Variants in TMEM120B observed in about 807,000 individuals in gnomAD.
The protein encoded by TMEM120B is transmembrane protein 120B.
A neutral mutation model predicts 55.5 loss-of-function variants in TMEM120B; 31 were observed. That is an observed-to-expected ratio of 0.56 (90% CI 0.42 to 0.75). The LOEUF (loss-of-function observed/expected upper bound fraction) is 0.75. Among genes scored for constraint, TMEM120B ranks in the 30% least tolerant of loss-of-function variants. The pLI, the probability that TMEM120B is intolerant of heterozygous loss-of-function variation, is 0.00. For synonymous variants in TMEM120B, 203 were observed against 176.3 expected, an observed-to-expected ratio of 1.15 and a Z score of -1.20; for missense variants, 399 against 425.5, an observed-to-expected ratio of 0.94 and a Z score of 0.55.
At chr12:121,772,435 T>C (rs892385256) in intron 8 of TMEM120B, among the ~76,000 whole-genome samples, 1 of 140,918 alleles carries the variant, frequency 7.1e-6, no homozygotes, top group Non-Finnish European at 1.5e-5. Context: ...GTACCGTTTC[T>C]TTCTTTTTTT....
chr12:121,743,346 C>T (rs1175993236), intron 1 of TMEM120B, among the ~76,000 whole-genome samples: 3 of 151,198 alleles, frequency 2.0e-5, no homozygotes, highest in South Asian at 2.1e-4. Context: ...GCCAGGAGTT[C>T]GAGACCAGCC....
rs538169813 is a variant in TMEM120B, at chr12:121,761,537, C to T, written c.462-112C>T. On this transcript the variant is annotated intron_variant, in intron 5 of 11. Coordinates refer to ENST00000449592, the MANE Select transcript of TMEM120B (RefSeq NM_001080825.2). ...GTGTCATAAGGGCTTCCAGAGGCAGCGCGTGCTGTGGGCAGCCCTCAGCCT... is the reference window on the plus strand; with the variant it reads ...GTGTCATAAGGGCTTCCAGAGGCAGTGCGTGCTGTGGGCAGCCCTCAGCCT... The T allele has an allele frequency of 2.0e-4, 146 of 725,168 alleles. 5 individuals are homozygous for T. The South Asian group carries it at 2.1e-3, about 10-fold the overall frequency. 44.9% of individuals were successfully genotyped at this position (725,168 alleles called of 1,614,324 possible).
intron 1 of TMEM120B, among the ~76,000 whole-genome samples, chr12:121,719,775 A>G (rs1592922219): frequency 6.6e-6 from 1 of 151,086 alleles, no homozygotes; most frequent in Admixed American, 6.6e-5. Context: ...GCTCACTGCA[A>G]CCTCTGCCTC....
chr12:121,717,149 C>T (rs1894717383), intron 1 of TMEM120B, among the ~76,000 whole-genome samples: 1 of 152,172 alleles, frequency 6.6e-6, no homozygotes, highest in Non-Finnish European at 1.5e-5. Flanking sequence ...TGCTCCTGGT[C>T]TCCTGGCCTG....
Position 121,779,187 on chromosome 12 carries a change from A to G in TMEM120B, c.*3465A>G, listed in dbSNP as rs1324323601. 1 of 378,806 alleles carries G rather than the reference A, an allele frequency of 2.6e-6. No individual in the cohort carries two copies. The highest frequency in any genetic ancestry group is 2.0e-5 in the African/African-American group (1 of 49,724). 23.5% of individuals were successfully genotyped at this position (378,806 alleles called of 1,614,324 possible). The stretch of plus-strand genomic sequence containing the variant: ...CTACCAGATAGACTTTTTCATTTCA[A>G]GCATAACTTGAGTCTGCACTGGGGA... On this transcript the variant is annotated 3_prime_UTR_variant, in exon 12 of 12. Coordinates refer to ENST00000449592, the MANE Select transcript of TMEM120B (RefSeq NM_001080825.2).
intron 1 of TMEM120B, among the ~76,000 whole-genome samples, chr12:121,732,049 A>G (rs1362722766): frequency 6.6e-6 from 1 of 152,128 alleles, no homozygotes; most frequent in African/African-American, 2.4e-5. Flanking sequence ...AAGCAGTAGA[A>G]TCTCTTGAAC....
chr12:121,771,406 T>C, intron 7 of TMEM120B, 82 bp from the exon 8 acceptor site: 2 of 1,242,454 alleles, frequency 1.6e-6, no homozygotes, highest in Non-Finnish European at 2.4e-6. Flanking sequence ...TCGCCTCTTC[T>C]GGTTGGAATG....
chr12:121,715,582 TC>T (rs1894684967), intron 1 of TMEM120B, among the ~76,000 whole-genome samples: 1 of 152,120 alleles, frequency 6.6e-6, no homozygotes, highest in African/African-American at 2.4e-5. Context: ...AACTGATGCC[TC>T]CTGCTCGGTT....
chr12:121,770,126 G>C (rs938944387), intron 6 of TMEM120B, among the ~76,000 whole-genome samples: 1 of 152,172 alleles, frequency 6.6e-6, no homozygotes, highest in Admixed American at 6.5e-5. Flanking sequence ...CGCCCGCCGA[G>C]TGTCCTAAGC....
At chr12:121,771,255 A>G (rs550843617) in intron 7 of TMEM120B, among the ~76,000 whole-genome samples, 69 of 152,238 alleles carry the variant, frequency 4.5e-4, no homozygotes, top group Non-Finnish European at 9.4e-4. Context: ...ACTGCGGAGG[A>G]CAGAGGGGTC....
chr12:121,760,996 T>G (rs984155347), intron 5 of TMEM120B, among the ~76,000 whole-genome samples: 2 of 152,138 alleles, frequency 1.3e-5, no homozygotes. Flanking sequence ...TGTTTTTTTT[T>G]GGGACAGAGT....
intron 6 of TMEM120B, among the ~76,000 whole-genome samples, chr12:121,769,137 C>T (rs1199494763): frequency 2.3e-5 from 3 of 129,192 alleles, no homozygotes; most frequent in East Asian, 2.2e-4. Context: ...TAGAGCAAGA[C>T]TGTCTCAAAA....
At chr12:121,714,580 T>G (rs1188198935) in intron 1 of TMEM120B, among the ~76,000 whole-genome samples, 2 of 144,776 alleles carry the variant, frequency 1.4e-5, no homozygotes, top group Non-Finnish European at 3.0e-5. Context: ...TTTTTTTTTT[T>G]GAGATAGAGT....
rs1482770563 is a variant in TMEM120B at position 121,781,218 on chromosome 12, AG to A, written c.*5500del. The A allele has an allele frequency of 1.9e-6, 3 of 1,604,968 alleles. No individual in the cohort carries two copies. Among genetic ancestry groups the A allele is most frequent in the Admixed American group, 1.7e-5 (1 of 59,926 alleles). ...CTGAAAGCACAGAGCAGCGGGGGTCAGGGGACGTCCCCTCCCTGTCTGGACT... is the reference window on the plus strand; with the variant it reads ...CTGAAAGCACAGAGCAGCGGGGGTCAGGGACGTCCCCTCCCTGTCTGGACT... On this transcript the variant is annotated 3_prime_UTR_variant, in exon 12 of 12. Transcript: ENST00000449592.
chr12:121,717,666 T>C (rs1295884346), intron 1 of TMEM120B, among the ~76,000 whole-genome samples: 1 of 152,194 alleles, frequency 6.6e-6, no homozygotes, highest in East Asian at 1.9e-4. Context: ...TCTTTCTTTC[T>C]TTTTTATTTG....
chr12:121,751,065 A>T (rs537065064), intron 4 of TMEM120B, among the ~76,000 whole-genome samples: 131 of 78,574 alleles, frequency 1.7e-3, no homozygotes, highest in African/African-American at 5.9e-3. Context: ...CACCCATATC[A>T]CACTCCACAC....
At chr12:121,718,640 A>G (rs1894743697) in intron 1 of TMEM120B, among the ~76,000 whole-genome samples, 1 of 152,224 alleles carries the variant, frequency 6.6e-6, no homozygotes, top group African/African-American at 2.4e-5. Flanking sequence ...TAACTCAGAT[A>G]CTAATACCGT....
chr12:121,750,399 C>T lies in TMEM120B; in HGVS notation c.325C>T (p.Leu109Phe). 2 of 1,612,546 alleles carry T rather than the reference C, an allele frequency of 1.2e-6. No homozygotes were observed. The highest frequency in any genetic ancestry group is 1.7e-6 in the Non-Finnish European group (2 of 1,179,172). ...TTCCAGGCTCTACTTGAACCTGGTCCTCGGCAATGTGAACGTGACCCTCCT... is the reference window on the plus strand; with the variant it reads ...TTCCAGGCTCTACTTGAACCTGGTCTTCGGCAATGTGAACGTGACCCTCCT... ...KKNGLYLNLVLGNVNVTLLSN... is the reference protein window; with the variant it reads ...KKNGLYLNLVFGNVNVTLLSN... Residue 109 changes from leucine to phenylalanine, a missense_variant, in exon 4 of 12, where the codon CTC (leucine) becomes TTC (phenylalanine). Physicochemically the swap from Leu to Phe is conservative, Grantham distance 22. Around this residue, in one of 3 missense-constraint regions of TMEM120B, gnomAD observed 260 missense variants for 303.9 expected, o/e 0.86. Coordinates refer to ENST00000449592, the MANE Select transcript of TMEM120B (RefSeq NM_001080825.2).
chr12:121,732,594 T>C (rs1895021442), intron 1 of TMEM120B, among the ~76,000 whole-genome samples: 1 of 152,004 alleles, frequency 6.6e-6, no homozygotes, highest in Non-Finnish European at 1.5e-5. Context: ...TAGCATGGAG[T>C]GTTGCTCAGA....
Sources: allele counts gnomAD v4.1 joint callset (sites outside exome capture counted in the v4.1 genomes callset), GRCh38; gene constraint gnomAD v4.1.1; regional missense constraint gnomAD v4.1.1; transcripts MANE v1.5; gene names NCBI Gene and HGNC (gene_info 2026-07-23, HGNC 2026-07-21).